CACNG2: variants seen among roughly 807,000 people sequenced by gnomAD.
CACNG2 encodes voltage-dependent calcium channel gamma-2 subunit.
Under a neutral mutation model 25.9 loss-of-function variants are expected in CACNG2, and 3 were observed. The observed-to-expected ratio is 0.12, with a 90% CI of 0.05 to 0.30. CACNG2 has a LOEUF of 0.30. Ranked by LOEUF, CACNG2 falls within the 10% of genes least tolerant of loss-of-function variation. CACNG2 has a pLI of 1.00. For missense variants in CACNG2, 341 were observed against 432.5 expected, an observed-to-expected ratio of 0.79 and a Z score of 1.88; for synonymous variants, 167 against 173.3, an observed-to-expected ratio of 0.96 and a Z score of 0.29.
chr22:36,629,767 A>G (rs532401728), intron 1 of CACNG2, among the ~76,000 whole-genome samples: 1 of 152,294 alleles, frequency 6.6e-6, no homozygotes, highest in East Asian at 1.9e-4. Flanking sequence ...AAGTTTCCCA[A>G]GGACGCAGTG....
intron 3 of CACNG2, 23 bp downstream of exon 3, chr22:36,566,330 A>G (rs1464820118): frequency 6.2e-7 from 1 of 1,612,956 alleles, no homozygotes; most frequent in Non-Finnish European, 8.5e-7. Context: ...TCCCAGTGGC[A>G]GGACTGGATC....
intron 1 of CACNG2, among the ~76,000 whole-genome samples, chr22:36,655,726 T>TCTTTC (rs1569042514): frequency 0.022 from 3,292 of 148,932 alleles, 126 homozygotes; most frequent in African/African-American, 0.08. Context: ...TTTCTTTCTT[T>TCTTTC]TCTTTCTTTC....
intron 2 of CACNG2, among the ~76,000 whole-genome samples, chr22:36,582,645 G>A (rs906832992): frequency 6.6e-6 from 1 of 151,122 alleles, no homozygotes; most frequent in Non-Finnish European, 1.5e-5. Context: ...CCAACCTCAG[G>A]TGATCTGCCC....
intron 1 of CACNG2, among the ~76,000 whole-genome samples, chr22:36,653,945 G>T (rs1219512572): frequency 6.9e-6 from 1 of 145,650 alleles, no homozygotes; most frequent in African/African-American, 2.6e-5. Flanking sequence ...TGCTACTCCG[G>T]TAAGTACAGT....
rs568209670 is a variant in CACNG2 at position 36,599,354 on chromosome 22, T to C, written c.212-11806A>G. Among the ~76,000 whole-genome samples, 163 of 152,270 alleles carry C rather than the reference T, an allele frequency of 1.1e-3. 1 individual carries two copies. Among genetic ancestry groups the C allele is most frequent in the Non-Finnish European group, 1.1e-3 (74 of 68,024 alleles). On this transcript the variant is annotated intron_variant, in intron 1 of 3. Coordinates refer to ENST00000300105, the MANE Select transcript of CACNG2 (RefSeq NM_006078.5). ...GTTATAGATTATTTAGAAATACATG[T>C]GTATGTGGCAAAACTGTAAAGTCAA...
rs1935029599 is a variant in CACNG2, at chr22:36,561,594, A to G, written c.*2757T>C. On this transcript the variant is annotated 3_prime_UTR_variant, in exon 4 of 4. Transcript: ENST00000300105. ...ATGTGCAAGCTCAAAAAGCCTTACT[A>G]GCCATTCTCTAGAACTCCCCAGAGA... The G allele has an allele frequency of 6.6e-6, 1 of 152,254 alleles. No individual in the cohort carries two copies. The highest frequency in any genetic ancestry group is 2.4e-5 in the African/African-American group (1 of 41,460). The allele number at this position is 152,254 out of a possible 1,614,324, so 9.4% of individuals were successfully genotyped here.
chr22:36,695,520 C>T (rs1179712937), intron 1 of CACNG2, among the ~76,000 whole-genome samples: 2 of 142,070 alleles, frequency 1.4e-5, no homozygotes, highest in South Asian at 5.1e-4. Context: ...TTCCTATCCA[C>T]CCTGGCCTTC....
chr22:36,675,595 C>G (rs1937009906), intron 1 of CACNG2, among the ~76,000 whole-genome samples: 1 of 152,216 alleles, frequency 6.6e-6, no homozygotes, highest in African/African-American at 2.4e-5. Flanking sequence ...AGCCACAGAG[C>G]CTGCTGGGCT....
chr22:36,659,952 G>A (rs1434159744), intron 1 of CACNG2, among the ~76,000 whole-genome samples: 1 of 152,114 alleles, frequency 6.6e-6, no homozygotes, highest in African/African-American at 2.4e-5. Context: ...GCTGCAGGGA[G>A]GACAGTAGCC....
chr22:36,626,352 G>C (rs995059813), intron 1 of CACNG2, among the ~76,000 whole-genome samples: 12 of 152,330 alleles, frequency 7.9e-5, no homozygotes, highest in African/African-American at 2.4e-4. Flanking sequence ...CTCCGGCAAA[G>C]CATAACAGCA....
At position 36,679,808 on chromosome 22, in the gene CACNG2, A is replaced by G. The variant is rs541937185; in HGVS notation, c.211+22558T>C. 9.9e-5 allele frequency among the ~76,000 whole-genome samples: 15 copies of G among 152,274 alleles called. No individual in the cohort carries two copies. The South Asian group carries it at 3.1e-3, about 32-fold the overall frequency. On this transcript the variant is annotated intron_variant, in intron 1 of 3. Transcript: ENST00000300105. ...TTAGAAATAGTTGTTGTTTTGAAAAATTCAGAATTTTTCTTCTAAAATGAA... is the reference window on the plus strand; with the variant it reads ...TTAGAAATAGTTGTTGTTTTGAAAAGTTCAGAATTTTTCTTCTAAAATGAA...
chr22:36,629,462 T>C (rs115436012), intron 1 of CACNG2, among the ~76,000 whole-genome samples: 72 of 151,874 alleles, frequency 4.7e-4, no homozygotes, highest in African/African-American at 1.6e-3. Context: ...CTGGGTGTTA[T>C]TGTGGGAGAT....
intron 1 of CACNG2, among the ~76,000 whole-genome samples, chr22:36,661,004 T>G (rs1936784770): frequency 6.6e-6 from 1 of 152,258 alleles, no homozygotes; most frequent in Admixed American, 6.5e-5. Flanking sequence ...CAGTGACTTC[T>G]GGCTGTGATG....
In CACNG2 at chr22:36,561,995, G is replaced by C. The variant is rs933415749; in HGVS notation, c.*2356C>G. On this transcript the variant is annotated 3_prime_UTR_variant, in exon 4 of 4. Transcript: ENST00000300105. ...CCCCAAAGACACTGGGGAAGCCCTGGTGGCAGAGCTCTTCTCCCAAGGAAG... is the reference window on the plus strand; with the variant it reads ...CCCCAAAGACACTGGGGAAGCCCTGCTGGCAGAGCTCTTCTCCCAAGGAAG... 6.6e-6 allele frequency: 1 copy of C among 152,274 alleles called. No homozygotes were observed. The highest frequency in any genetic ancestry group is 1.5e-5 in the Non-Finnish European group (1 of 68,090). The allele number at this position is 152,274 out of a possible 1,614,324, so 9.4% of individuals were successfully genotyped here.
chr22:36,644,314 A>G (rs1936487038), intron 1 of CACNG2, among the ~76,000 whole-genome samples: 1 of 152,178 alleles, frequency 6.6e-6, no homozygotes, highest in Non-Finnish European at 1.5e-5. Context: ...AAGGAGGAGC[A>G]ACAATCCCCA....
chr22:36,642,938 C>T (rs1304433917), intron 1 of CACNG2, among the ~76,000 whole-genome samples: 2 of 152,150 alleles, frequency 1.3e-5, no homozygotes, highest in Non-Finnish European at 2.9e-5. Flanking sequence ...CAAAGCAAGC[C>T]ATGAAACAGT....
intron 1 of CACNG2, among the ~76,000 whole-genome samples, chr22:36,657,444 G>C (rs1017377256): frequency 8.5e-5 from 13 of 152,170 alleles, no homozygotes; most frequent in Non-Finnish European, 2.9e-5. Context: ...AGATAGAGGG[G>C]CCTGGCCTGG....
At chr22:36,650,407 G>A (rs1188020369) in intron 1 of CACNG2, among the ~76,000 whole-genome samples, 1 of 152,004 alleles carries the variant, frequency 6.6e-6, no homozygotes, top group Admixed American at 6.5e-5. Context: ...GTCTTGCTCT[G>A]TTGCTCAGGC....
At position 36,606,210 on chromosome 22, in the gene CACNG2, T is replaced by C. The variant is rs570816574; in HGVS notation, c.212-18662A>G. ...GGATTCCCCGTCCCCCAGAGCTGAG[T>C]CTTGAGAGGACCCTAGACAAATAAT... On this transcript the variant is annotated intron_variant, in intron 1 of 3. Transcript: ENST00000300105. This position sits in a 1 kb window ranked among gnomAD's most constrained non-coding sequence, Gnocchi z 5.7. 1.3e-5 allele frequency among the ~76,000 whole-genome samples: 2 copies of C among 151,984 alleles called. No individual in the cohort carries two copies. Among genetic ancestry groups the C allele is most frequent in the African/African-American group, 4.8e-5 (2 of 41,338 alleles).
Sources: allele counts gnomAD v4.1 joint callset (sites outside exome capture counted in the v4.1 genomes callset), GRCh38; gene constraint gnomAD v4.1.1; non-coding constraint Gnocchi (gnomAD v3.1); transcripts MANE v1.5; gene names NCBI Gene and HGNC (gene_info 2026-07-23, HGNC 2026-07-21).